The following CADM2 variants were observed in gnomAD, a reference collection of about 807,000 sequenced individuals.
CADM2 encodes immunoglobulin superfamily member 4D.
A neutral mutation model predicts 49.8 loss-of-function variants in CADM2; 12 were observed. That is an observed-to-expected ratio of 0.24 (90% CI 0.15 to 0.39). The LOEUF is 0.39. Ranked by LOEUF, CADM2 falls within the 10% of genes least tolerant of loss-of-function variation. The probability of loss-of-function intolerance (pLI) is 1.00; values close to 1 mark genes in which losing one functional copy is unlikely to be tolerated. For missense variants in CADM2, 378 were observed against 492.3 expected (o/e 0.77, Z 2.20); for synonymous variants, 214 against 175.4 (o/e 1.22, Z -1.74).
At chr3:85,273,268 C>T (rs920982406) in intron 1 of CADM2, among the ~76,000 whole-genome samples, 1 of 151,252 alleles carries the variant, frequency 6.6e-6, no homozygotes, top group East Asian at 1.9e-4. Flanking sequence ...GTTATAAGTT[C>T]TTACAGACAG....
At chr3:85,322,244 T>C (rs2044633741) in intron 1 of CADM2, among the ~76,000 whole-genome samples, 1 of 152,222 alleles carries the variant, frequency 6.6e-6, no homozygotes, top group Non-Finnish European at 1.5e-5. Context: ...TATCCAGCTT[T>C]GCTTAATTCT....
At chr3:85,643,505 T>A (rs1265122005) in intron 1 of CADM2, among the ~76,000 whole-genome samples, 2 of 152,160 alleles carry the variant, frequency 1.3e-5, no homozygotes, top group Non-Finnish European at 1.5e-5. Flanking sequence ...TGAGAAGTAA[T>A]TAGCAAATCA....
intron 1 of CADM2, among the ~76,000 whole-genome samples, chr3:85,152,600 T>G (rs1278021614): frequency 6.6e-6 from 1 of 152,168 alleles, no homozygotes; most frequent in Non-Finnish European, 1.5e-5. Context: ...TCGCAGTTTT[T>G]CAGTTCACCA....
chr3:85,404,283 G>T (rs2035265403), intron 1 of CADM2, among the ~76,000 whole-genome samples: 1 of 151,988 alleles, frequency 6.6e-6, no homozygotes, highest in Non-Finnish European at 1.5e-5. Context: ...TTTGTGAGAT[G>T]ACTTTGTGCC....
At chr3:86,054,485 T>A (rs948314874) in intron 8 of CADM2, among the ~76,000 whole-genome samples, 2 of 152,102 alleles carry the variant, frequency 1.3e-5, no homozygotes, top group African/African-American at 2.4e-5. Context: ...CAGGTGATGA[T>A]TCTACCCCAT....
At chr3:85,217,712 T>G (rs1443571045) in intron 1 of CADM2, among the ~76,000 whole-genome samples, 1 of 152,094 alleles carries the variant, frequency 6.6e-6, no homozygotes, top group African/African-American at 2.4e-5. Flanking sequence ...GTTCCATGAA[T>G]GTAATACTTC....
At chr3:85,631,349 G>A (rs1399102258) in intron 1 of CADM2, among the ~76,000 whole-genome samples, 2 of 152,024 alleles carry the variant, frequency 1.3e-5, no homozygotes, top group African/African-American at 4.8e-5. Flanking sequence ...CTTAATAAAT[G>A]GCTGTTGAAA....
chr3:85,861,382 G>T (rs1328172321), intron 3 of CADM2, among the ~76,000 whole-genome samples: 1 of 152,132 alleles, frequency 6.6e-6, no homozygotes, highest in African/African-American at 2.4e-5. Context: ...AGAAAGATAA[G>T]AGTTAAGAAT....
At chr3:85,407,939 A>T (rs2107459590) in intron 1 of CADM2, among the ~76,000 whole-genome samples, 1 of 145,852 alleles carries the variant, frequency 6.9e-6, no homozygotes, top group African/African-American at 2.5e-5. Context: ...ATTGTGCTTG[A>T]GCCTGGAAGC....
intron 1 of CADM2, among the ~76,000 whole-genome samples, chr3:85,639,818 G>A (rs913395835): frequency 6.6e-6 from 1 of 152,116 alleles, no homozygotes; most frequent in East Asian, 1.9e-4. Flanking sequence ...AAGGACCATA[G>A]TATCTTCAAA....
chr3:85,658,648 G>T (rs900628446), intron 1 of CADM2, among the ~76,000 whole-genome samples: 2 of 143,220 alleles, frequency 1.4e-5, no homozygotes, highest in African/African-American at 5.2e-5. Flanking sequence ...TTATGTGTGT[G>T]TGTTCTTGAT....
chr3:84,965,520 A>T (rs2030908783), intron 1 of CADM2, among the ~76,000 whole-genome samples: 1 of 152,242 alleles, frequency 6.6e-6, no homozygotes, highest in African/African-American at 2.4e-5. Context: ...TTTTGTTTAG[A>T]GATGAATAAA....
chr3:85,790,490 ACAGGAGAATTATAATTCTCTGGGT>A (rs2071259489), intron 2 of CADM2, among the ~76,000 whole-genome samples: 1 of 152,174 alleles, frequency 6.6e-6, no homozygotes, highest in Non-Finnish European at 1.5e-5. Context: ...TAAAATTTCT[ACAGGAGAATTATAATTCTCTGGGT>A]CAGGAGCTGT....
intron 1 of CADM2, among the ~76,000 whole-genome samples, chr3:85,492,058 A>G (rs2039699156): frequency 6.6e-6 from 1 of 152,146 alleles, no homozygotes; most frequent in African/African-American, 2.4e-5. Flanking sequence ...TTCAACATTT[A>G]ATTATTGCTT....
chr3:85,876,885 G>T (rs1007436690), intron 3 of CADM2, among the ~76,000 whole-genome samples: 1 of 152,082 alleles, frequency 6.6e-6, no homozygotes, highest in Non-Finnish European at 1.5e-5. Context: ...CATAAAATGT[G>T]TCTGAAATCC....
chr3:85,493,777 G>A (rs969197210), intron 1 of CADM2, among the ~76,000 whole-genome samples: 1 of 152,064 alleles, frequency 6.6e-6, no homozygotes, highest in African/African-American at 2.4e-5. Context: ...AAACATTTAG[G>A]TCTCTTGTCA....
At chr3:85,644,792 A>T (rs2107563240) in intron 1 of CADM2, among the ~76,000 whole-genome samples, 1 of 152,272 alleles carries the variant, frequency 6.6e-6, no homozygotes, top group East Asian at 1.9e-4. Context: ...GTATTTTAAT[A>T]ACTTTGAAGT....
intron 1 of CADM2, among the ~76,000 whole-genome samples, chr3:85,336,458 G>A (rs905792077): frequency 6.6e-5 from 10 of 151,342 alleles, no homozygotes; most frequent in South Asian, 2.1e-4. Context: ...AATTGTTTAC[G>A]TAAAGCTCAA....
At chr3:85,473,596 A>G (rs138225438) in intron 1 of CADM2, among the ~76,000 whole-genome samples, 4 of 152,218 alleles carry the variant, frequency 2.6e-5, no homozygotes, top group Admixed American at 6.6e-5. Flanking sequence ...AGGTTTACCA[A>G]ATCTTCACTC....
Sources: allele counts gnomAD v4.1 joint callset (sites outside exome capture counted in the v4.1 genomes callset), GRCh38; gene constraint gnomAD v4.1.1; transcripts MANE v1.5; gene names NCBI Gene and HGNC (gene_info 2026-07-23, HGNC 2026-07-21).